NME7: variants seen among roughly 807,000 people sequenced by gnomAD.
NME7 encodes the protein NME/NM23 family member 7.
A neutral mutation model predicts 49.1 loss-of-function variants in NME7; 41 were observed. The observed-to-expected ratio is 0.83, with a 90% confidence interval of 0.65 to 1.08. The LOEUF (loss-of-function observed/expected upper bound fraction) is 1.08, where lower values mean the gene tolerates loss of function less well. Among genes scored for constraint, NME7 ranks in the 50% least tolerant of loss-of-function variants. The pLI is 0.00. For missense variants in NME7, 423 were observed against 463.4 expected (o/e 0.91, Z 0.80); for synonymous variants, 139 against 150.6 (o/e 0.92, Z 0.56).
At chr1:169,144,557 G>A (rs866486634) in intron 11 of NME7, among the ~76,000 whole-genome samples, 17 of 152,186 alleles carry the variant, frequency 1.1e-4, no homozygotes, top group African/African-American at 3.9e-4. Context: ...ACCCAGGAAG[G>A]ATCAATCTCC....
At position 169,304,272 on chromosome 1, in the gene NME7, T is replaced by C. The variant is rs181350058; in HGVS notation, c.390-1077A>G. The stretch of plus-strand genomic sequence containing the variant: ...GATGACTCTCCTAACACTGTGTAGT[T>C]TTCTTAAAGGCTTTGAACTGGGTTC... On this transcript the variant is annotated intron_variant, in intron 4 of 11. Transcript: ENST00000367811. Among the ~76,000 whole-genome samples the C allele has an allele frequency of 8.6e-4, 131 of 152,354 alleles. 1 individual carries two copies. In the Middle Eastern group the frequency reaches 0.017, roughly 20 times the overall value.
intron 10 of NME7, among the ~76,000 whole-genome samples, chr1:169,225,199 C>T (rs750766670): frequency 6.6e-6 from 1 of 152,172 alleles, no homozygotes; most frequent in Non-Finnish European, 1.5e-5. Context: ...ACCTCCACCT[C>T]CCGGGTTCAA....
At chr1:169,301,755 T>C (rs12740040) in intron 5 of NME7, among the ~76,000 whole-genome samples, 57,335 of 151,882 alleles carry the variant, frequency 0.38, 11,535 homozygotes, top group East Asian at 0.79. Context: ...AAAATAAAAT[T>C]ATGTCCTTGG....
intron 5 of NME7, among the ~76,000 whole-genome samples, chr1:169,300,609 T>C (rs955201744): frequency 1.3e-5 from 2 of 152,128 alleles, no homozygotes; most frequent in African/African-American, 4.8e-5. Flanking sequence ...GAACAAAATA[T>C]ATATCAAACT....
intron 3 of NME7, among the ~76,000 whole-genome samples, 178 bp downstream of exon 3, chr1:169,322,937 GAC>G (rs1197519561): frequency 6.6e-6 from 1 of 151,890 alleles, no homozygotes; most frequent in Non-Finnish European, 1.5e-5. Flanking sequence ...AGTCAGATGA[GAC>G]ATGCACAACT....
intron 11 of NME7, among the ~76,000 whole-genome samples, chr1:169,166,652 G>A (rs918639052): frequency 6.6e-5 from 10 of 152,172 alleles, no homozygotes; most frequent in African/African-American, 2.2e-4. Context: ...TAGGGGTGGA[G>A]TAAAGACCTC....
Position 169,132,812 on chromosome 1 carries a change from T to G in NME7, c.1104A>C (p.Gln368His). 6.2e-7 allele frequency: 1 copy of G among 1,613,118 alleles called. No homozygotes were observed. Among genetic ancestry groups the G allele is most frequent in the Non-Finnish European group, 8.5e-7 (1 of 1,179,486 alleles). The change falls in exon 12 of 12, where the codon CAA becomes CAC. Residue 368 changes from glutamine to histidine, a missense_variant. Physicochemically the swap from Gln to His is conservative, Grantham distance 24 (BLOSUM62 0). Coordinates refer to ENST00000367811, the MANE Select transcript of NME7 (RefSeq NM_013330.5). The stretch of plus-strand genomic sequence containing the variant: ...AATTATCCAAGATCTTGAAGAAGTA[T>G]TGAACCTGAAACGGAGAAACACATA... ...DLPEDGLLEVQYFFKILDN is the reference protein window; with the variant it reads ...DLPEDGLLEVHYFFKILDN
At chr1:169,236,506 T>C (rs562120849) in intron 8 of NME7, among the ~76,000 whole-genome samples, 83 of 152,262 alleles carry the variant, frequency 5.5e-4, no homozygotes, top group African/African-American at 1.9e-3. Flanking sequence ...TGCTAAACTG[T>C]AGATCTAGAA....
intron 1 of NME7, among the ~76,000 whole-genome samples, chr1:169,325,558 C>G (rs982556865): frequency 4.0e-5 from 6 of 151,718 alleles, no homozygotes; most frequent in Admixed American, 3.3e-4. Flanking sequence ...GTAAAAATAC[C>G]CTCGCCCCAA....
intron 3 of NME7, among the ~76,000 whole-genome samples, chr1:169,319,318 G>A (rs539077909): frequency 5.6e-4 from 85 of 152,160 alleles, no homozygotes; most frequent in African/African-American, 1.9e-3. Flanking sequence ...GAAAATGTAT[G>A]TTCATCCATA....
intron 11 of NME7, among the ~76,000 whole-genome samples, chr1:169,160,321 T>C (rs1372232525): frequency 6.6e-6 from 1 of 152,148 alleles, no homozygotes; most frequent in Non-Finnish European, 1.5e-5. Flanking sequence ...GGCCAAACTG[T>C]TCACCAGAAA....
intron 7 of NME7, among the ~76,000 whole-genome samples, chr1:169,253,394 A>G (rs1311021476): frequency 6.6e-6 from 1 of 151,280 alleles, no homozygotes; most frequent in Non-Finnish European, 1.5e-5. Flanking sequence ...AATGCTTGTG[A>G]TTTTTGCACA....
intron 7 of NME7, among the ~76,000 whole-genome samples, chr1:169,277,919 A>G (rs1185712592): frequency 5.7e-5 from 8 of 140,090 alleles, no homozygotes; most frequent in African/African-American, 2.0e-4. Flanking sequence ...TTGTCTGTAA[A>G]GTATTTTATT....
chr1:169,309,958 TA>T lies in NME7; in HGVS notation c.389+11del, dbSNP rs34054662. On this transcript the variant is annotated intron_variant, in intron 4 of 11. Coordinates refer to ENST00000367811, the MANE Select transcript of NME7 (RefSeq NM_013330.5). ...TCAGACATTACATAACTGAAAATGA[TA>T]AAAAAATTACCTTGAAAGCATCATC... 2.1e-6 allele frequency: 3 copies of T among 1,401,344 alleles called. No homozygotes were observed. Among genetic ancestry groups the T allele is most frequent in the East Asian group, 4.6e-5 (2 of 43,572 alleles). 86.8% of individuals were successfully genotyped at this position (1,401,344 alleles called of 1,614,324 possible). A position where few individuals can be genotyped will look rare whatever the true frequency, so the allele number is the denominator to read the frequency against.
chr1:169,308,191 A>G (rs1460694617), intron 4 of NME7, among the ~76,000 whole-genome samples: 2 of 152,146 alleles, frequency 1.3e-5, no homozygotes, highest in South Asian at 2.1e-4. Flanking sequence ...GAGATCATAC[A>G]TAAGGGAAAA....
chr1:169,314,249 G>A (rs1326912621), intron 3 of NME7, among the ~76,000 whole-genome samples: 1 of 151,402 alleles, frequency 6.6e-6, no homozygotes, highest in African/African-American at 2.4e-5. Flanking sequence ...AAATCATTAG[G>A]TTCATGGAAA....
rs1649233490 is a variant in NME7 at position 169,263,756 on chromosome 1, C to T, written c.754+23547G>A. On this transcript the variant is annotated intron_variant, in intron 7 of 11. Coordinates refer to ENST00000367811, the MANE Select transcript of NME7 (RefSeq NM_013330.5). ...CTCAAATTCAGGAAATGTGGAGAACCACCACAAGATACTTCAAGATCACCC... is the reference window on the plus strand; with the variant it reads ...CTCAAATTCAGGAAATGTGGAGAACTACCACAAGATACTTCAAGATCACCC... Among the ~76,000 whole-genome samples, 2 of 131,790 alleles carry T rather than the reference C, an allele frequency of 1.5e-5. 1 individual carries two copies. The highest frequency in any genetic ancestry group is 4.7e-4 in the South Asian group (2 of 4,252). 86.5% of individuals were successfully genotyped at this position (131,790 alleles called of 152,430 possible).
chr1:169,207,475 G>C (rs770193108), intron 10 of NME7, among the ~76,000 whole-genome samples: 1 of 152,000 alleles, frequency 6.6e-6, no homozygotes, highest in Non-Finnish European at 1.5e-5. Context: ...CCTTGCTCTA[G>C]GATTAGTCTC....
At position 169,149,382 on chromosome 1, in the gene NME7, G is replaced by T. The variant is rs1357437819; in HGVS notation, c.1099-16565C>A. 2.6e-5 allele frequency among the ~76,000 whole-genome samples: 4 copies of T among 151,980 alleles called. No individual in the cohort carries two copies. In the East Asian group the frequency reaches 5.8e-4, roughly 22 times the overall value. Reference sequence around the variant, plus strand: ...TAAAATAAATAATATTTAACTAAGAGAAGTTAATATTTTAGTTACACATTT... The same window carrying T: ...TAAAATAAATAATATTTAACTAAGATAAGTTAATATTTTAGTTACACATTT... On this transcript the variant is annotated intron_variant, in intron 11 of 11. Transcript: ENST00000367811.
Sources: allele counts gnomAD v4.1 joint callset (sites outside exome capture counted in the v4.1 genomes callset), GRCh38; gene constraint gnomAD v4.1.1; transcripts MANE v1.5; gene names NCBI Gene and HGNC (gene_info 2026-07-23, HGNC 2026-07-21).